The following MAPK4 variants were observed in gnomAD, a reference collection of about 807,000 sequenced individuals.
MAPK4 encodes the protein Erk3-related.
A neutral mutation model predicts 47.7 loss-of-function variants in MAPK4; 22 were observed. That is an observed-to-expected ratio of 0.46 (90% CI 0.33 to 0.66). The LOEUF is 0.66. Ranked by LOEUF, MAPK4 falls within the 30% of genes least tolerant of loss-of-function variation. MAPK4 has a pLI of 0.02. For missense variants in MAPK4, 736 were observed against 831.7 expected (o/e 0.88, Z 1.42); for synonymous variants, 390 against 365.7 (o/e 1.07, Z -0.76).
At chr18:50,582,334 C>A (rs773402491) in intron 1 of MAPK4, among the ~76,000 whole-genome samples, 1 of 152,172 alleles carries the variant, frequency 6.6e-6, no homozygotes, top group African/African-American at 2.4e-5. Context: ...CTGACTCTAC[C>A]ACCTATCCCC....
chr18:50,696,108 A>AG (rs60339272), intron 2 of MAPK4, among the ~76,000 whole-genome samples: 23,509 of 151,720 alleles, frequency 0.15, 2,137 homozygotes, highest in East Asian at 0.25. Context: ...AAAAAAAAAA[A>AG]AAAAGCAAAC....
rs370830664 is a variant in MAPK4, at chr18:50,596,011, A to G, written c.-871+35768A>G. ...CCTTGAAGGAATGAATAGAACTCAG[A>G]TAAACAAAGGTGGGATTTCTGAAAG... On this transcript the variant is annotated intron_variant, in intron 1 of 5. Transcript: ENST00000400384. Among the ~76,000 whole-genome samples, 4 of 152,322 alleles carry G rather than the reference A, an allele frequency of 2.6e-5. No homozygotes were observed. The East Asian group carries it at 7.7e-4, about 29-fold the overall frequency.
intron 2 of MAPK4, among the ~76,000 whole-genome samples, chr18:50,672,195 A>G (rs1470239365): frequency 2.6e-5 from 4 of 152,208 alleles, no homozygotes; most frequent in African/African-American, 9.6e-5. Context: ...CAGAGTAGGA[A>G]TGGGGTCCAC....
intron 1 of MAPK4, among the ~76,000 whole-genome samples, chr18:50,568,430 A>AT (rs1833728879): frequency 6.6e-6 from 1 of 152,204 alleles, no homozygotes; most frequent in Non-Finnish European, 1.5e-5. Context: ...TCTTATTCTT[A>AT]CAACAGTCTC....
intron 2 of MAPK4, among the ~76,000 whole-genome samples, chr18:50,675,009 T>G (rs1285754046): frequency 6.6e-6 from 1 of 152,198 alleles, no homozygotes; most frequent in Admixed American, 6.5e-5. Flanking sequence ...GAAGCCCCCC[T>G]ATACAAAAAT....
rs1598923981 is a variant in MAPK4 at position 50,696,937 on chromosome 18, C to T, written c.547-18142C>T. ...AGAAAAAAGTGGGGCCTGAAAGAGG[C>T]AGGAGGGAAGGCGCAGAGACTTGGG... On this transcript the variant is annotated intron_variant, in intron 2 of 5. Transcript: ENST00000400384. Among the ~76,000 whole-genome samples, 5 of 152,056 alleles carry T rather than the reference C, an allele frequency of 3.3e-5. No homozygotes were observed. In the South Asian group the frequency reaches 1.0e-3, roughly 32 times the overall value.
intron 1 of MAPK4, among the ~76,000 whole-genome samples, chr18:50,616,035 CA>C (rs1265894036): frequency 6.6e-6 from 1 of 152,188 alleles, no homozygotes; most frequent in Non-Finnish European, 1.5e-5. Flanking sequence ...AACTGGGTTC[CA>C]GGGGACCTTA....
At chr18:50,582,027 C>T (rs2042350637) in intron 1 of MAPK4, among the ~76,000 whole-genome samples, 2 of 152,290 alleles carry the variant, frequency 1.3e-5, no homozygotes, top group South Asian at 2.1e-4. Context: ...CCTTTCCTTC[C>T]ACTGGGCCTC....
chr18:50,664,655 T>C lies in MAPK4; in HGVS notation c.546+151T>C. Reference sequence around the variant, plus strand: ...GAGGGTGCTAGGAAGATCACTAGCCTGAAAAGTTGTTGGAGGCGTGGAGGG... The same window carrying C: ...GAGGGTGCTAGGAAGATCACTAGCCCGAAAAGTTGTTGGAGGCGTGGAGGG... On this transcript the variant is annotated intron_variant, in intron 2 of 5. Transcript: ENST00000400384. This position sits in a 1 kb window ranked among gnomAD's most constrained non-coding sequence, Gnocchi z 6.0. 1 of 870,188 alleles carries C rather than the reference T, an allele frequency of 1.1e-6. No individual in the cohort carries two copies. The highest frequency in any genetic ancestry group is 1.7e-6 in the Non-Finnish European group (1 of 591,436). 53.9% of individuals were successfully genotyped at this position (870,188 alleles called of 1,614,324 possible). A position where few individuals can be genotyped will look rare whatever the true frequency, so the allele number is the denominator to read the frequency against.
At position 50,664,519 on chromosome 18, in the gene MAPK4, A is replaced by G; in HGVS notation, c.546+15A>G. The G allele has an allele frequency of 6.4e-7, 1 of 1,565,774 alleles. No individual in the cohort carries two copies. Among genetic ancestry groups the G allele is most frequent in the Non-Finnish European group, 8.7e-7 (1 of 1,152,348 alleles). On this transcript the variant is annotated intron_variant, in intron 2 of 5. Coordinates refer to ENST00000400384, the MANE Select transcript of MAPK4 (RefSeq NM_002747.4). The surrounding 1 kb of genome is among the most constrained non-coding windows in gnomAD (Gnocchi z 6.0). ...ACTCCCACAAGGTATGTCTGGCTGG[A>G]ATGGCGGATACTGGTGGTCCACAGA...
chr18:50,658,394 C>G (rs1193814371), intron 1 of MAPK4, among the ~76,000 whole-genome samples: 1 of 152,186 alleles, frequency 6.6e-6, no homozygotes, highest in Non-Finnish European at 1.5e-5. Context: ...TTGGACCAAC[C>G]TGAGTTGACA....
At chr18:50,631,163 C>T (rs1756608176) in intron 1 of MAPK4, among the ~76,000 whole-genome samples, 1 of 152,108 alleles carries the variant, frequency 6.6e-6, no homozygotes, top group Non-Finnish European at 1.5e-5. Context: ...CAAGTGTCTT[C>T]GCAGTCTATT....
chr18:50,683,850 G>A (rs1011236255), intron 2 of MAPK4, among the ~76,000 whole-genome samples: 6 of 152,116 alleles, frequency 3.9e-5, no homozygotes, highest in African/African-American at 9.7e-5. Context: ...GTGGCATGGC[G>A]CTGGAGTCCA....
rs199859025 is a variant in MAPK4 at position 50,726,128 on chromosome 18, G to A, written c.1020G>A (p.Met340Ile). Residue 340 changes from methionine to isoleucine, a missense_variant, in exon 5 of 6, where the codon ATG becomes ATA. Met to Ile is a conservative substitution (Grantham distance 10, BLOSUM62 1). Around this residue, in one of 3 missense-constraint regions of MAPK4, gnomAD observed 377 missense variants for 378.6 expected, o/e 1.00. Transcript: ENST00000400384. The stretch of plus-strand genomic sequence containing the variant: ...ATGAGATCGACGACATCGTGCTGAT[G>A]GCCGCTAACCAGAGCCAGCTGTCCA... ...IEDEIDDIVLMAANQSQLSNW... is the reference protein window; with the variant it reads ...IEDEIDDIVLIAANQSQLSNW... The A allele has an allele frequency of 1.8e-4, 288 of 1,613,990 alleles. No individual in the cohort carries two copies. Among genetic ancestry groups the A allele is most frequent in the Non-Finnish European group, 3.6e-5 (43 of 1,180,034 alleles).
intron 1 of MAPK4, among the ~76,000 whole-genome samples, chr18:50,630,197 T>G (rs559352012): frequency 6.6e-6 from 1 of 152,222 alleles, no homozygotes; most frequent in Non-Finnish European, 1.5e-5. Context: ...CTCCTGTCTT[T>G]TTTGTTTTTT....
intron 2 of MAPK4, among the ~76,000 whole-genome samples, chr18:50,684,715 G>A (rs535653035): frequency 1.3e-5 from 2 of 152,266 alleles, no homozygotes; most frequent in South Asian, 4.2e-4. Flanking sequence ...TGGGAAGGGA[G>A]GGAGGTCAGA....
chr18:50,702,473 G>T (rs1909842799), intron 2 of MAPK4, among the ~76,000 whole-genome samples: 1 of 152,208 alleles, frequency 6.6e-6, no homozygotes, highest in Non-Finnish European at 1.5e-5. Flanking sequence ...GCTGCCAGCA[G>T]TTTGCCAAGC....
chr18:50,660,285 A>C (rs1329139344), intron 1 of MAPK4, among the ~76,000 whole-genome samples: 1 of 152,218 alleles, frequency 6.6e-6, no homozygotes, highest in Non-Finnish European at 1.5e-5. Flanking sequence ...CTGAAACTCT[A>C]AGAGAGGCAG....
intron 2 of MAPK4, among the ~76,000 whole-genome samples, chr18:50,683,805 A>T (rs1908717577): frequency 6.6e-6 from 1 of 152,164 alleles, no homozygotes; most frequent in South Asian, 2.1e-4. Context: ...CTGGCAACAC[A>T]GCTGGATGTA....
Sources: allele counts gnomAD v4.1 joint callset (sites outside exome capture counted in the v4.1 genomes callset), GRCh38; gene constraint gnomAD v4.1.1; regional missense constraint gnomAD v4.1.1; non-coding constraint Gnocchi (gnomAD v3.1); transcripts MANE v1.5; gene names NCBI Gene and HGNC (gene_info 2026-07-23, HGNC 2026-07-21).